NCAM2: variants seen among roughly 807,000 people sequenced by gnomAD.
The protein encoded by NCAM2 is neural cell adhesion molecule 2.
Under a neutral mutation model 98.1 loss-of-function variants are expected in NCAM2, and 30 were observed. That is an observed-to-expected ratio of 0.31 (90% confidence interval 0.23 to 0.41). The LOEUF is 0.41. NCAM2 is among the 10% of genes least tolerant of loss of function. The pLI is 1.00. For synonymous variants in NCAM2, 368 were observed against 342.4 expected (o/e 1.07, Z -0.83); for missense variants, 867 against 1,005.8 (o/e 0.86, Z 1.87).
intron 1 of NCAM2, among the ~76,000 whole-genome samples, chr21:21,146,607 G>T (rs1285812256): frequency 6.7e-6 from 1 of 149,254 alleles, no homozygotes; most frequent in Non-Finnish European, 1.5e-5. Context: ...GTGTGTGTGT[G>T]TTTTTCCTTT....
intron 1 of NCAM2, among the ~76,000 whole-genome samples, chr21:21,143,654 G>A (rs562692731): frequency 6.6e-6 from 1 of 152,032 alleles, no homozygotes; most frequent in Non-Finnish European, 1.5e-5. Flanking sequence ...TTTTATTTAA[G>A]TATTTTTTTC....
chr21:21,431,046 C>CAAA (rs34613152), intron 11 of NCAM2, among the ~76,000 whole-genome samples: 12 of 64,046 alleles, frequency 1.9e-4, no homozygotes, highest in East Asian at 4.9e-4. Context: ...AACTCCGTCT[C>CAAA]AAAAAAAAAA....
intron 11 of NCAM2, among the ~76,000 whole-genome samples, chr21:21,423,833 C>T (rs1042860942): frequency 2.0e-5 from 3 of 152,084 alleles, no homozygotes; most frequent in African/African-American, 7.2e-5. Flanking sequence ...ATGAAGCACT[C>T]ATCTGTATTT....
At chr21:21,183,090 G>A (rs762977545) in intron 1 of NCAM2, among the ~76,000 whole-genome samples, 3 of 152,152 alleles carry the variant, frequency 2.0e-5, no homozygotes, top group Non-Finnish European at 4.4e-5. Flanking sequence ...ATGGGAATAA[G>A]TAGCCGTTTT....
At position 21,541,635 on chromosome 21, in the gene NCAM2, A is replaced by G. The variant is rs1255616119; in HGVS notation, c.*3678A>G. On this transcript the variant is annotated 3_prime_UTR_variant, in exon 18 of 18. Coordinates refer to ENST00000400546, the MANE Select transcript of NCAM2 (RefSeq NM_004540.5). ...ATATATTTTTTATTTCGAATAATAAATCAACCTTTATTTTTGGCAATAAGA... is the reference window on the plus strand; with the variant it reads ...ATATATTTTTTATTTCGAATAATAAGTCAACCTTTATTTTTGGCAATAAGA... 6.7e-6 allele frequency: 1 copy of G among 150,330 alleles called. No homozygotes were observed. The highest frequency in any genetic ancestry group is 1.5e-5 in the Non-Finnish European group (1 of 67,784). 9.3% of individuals were successfully genotyped at this position (150,330 alleles called of 1,614,324 possible).
At chr21:21,202,883 A>C (rs2212880) in intron 1 of NCAM2, among the ~76,000 whole-genome samples, 1 of 151,904 alleles carries the variant, frequency 6.6e-6, no homozygotes, top group African/African-American at 2.4e-5. Context: ...AATATTATCA[A>C]TGTAGGATGG....
At chr21:21,361,597 T>C (rs898019571) in intron 8 of NCAM2, among the ~76,000 whole-genome samples, 50 of 152,110 alleles carry the variant, frequency 3.3e-4, no homozygotes, top group African/African-American at 1.1e-3. Flanking sequence ...TCCTTGGTGA[T>C]TTCATCTAGT....
intron 1 of NCAM2, among the ~76,000 whole-genome samples, chr21:21,072,812 G>T (rs756302338): frequency 4.6e-5 from 7 of 151,554 alleles, no homozygotes. Flanking sequence ...ACTTTCTCTC[G>T]TGGTAAAATA....
At chr21:21,005,951 G>C (rs1467772191) in intron 1 of NCAM2, among the ~76,000 whole-genome samples, 1 of 152,166 alleles carries the variant, frequency 6.6e-6, no homozygotes, top group Non-Finnish European at 1.5e-5. Flanking sequence ...AGAGAGCTGT[G>C]TTGAGCATTT....
chr21:21,440,468 G>C (rs1979067616), intron 12 of NCAM2, among the ~76,000 whole-genome samples: 1 of 152,074 alleles, frequency 6.6e-6, no homozygotes, highest in Admixed American at 6.6e-5. Context: ...GACTGCTTGA[G>C]CTCAGGAGTT....
Position 21,492,666 on chromosome 21 carries a change from T to A in NCAM2, c.2077+15195T>A, listed in dbSNP as rs1172795406. Among the ~76,000 whole-genome samples the A allele has an allele frequency of 2.0e-5, 3 of 151,972 alleles. No individual in the cohort carries two copies. In the East Asian group the frequency reaches 5.8e-4, roughly 29 times the overall value. On this transcript the variant is annotated intron_variant, in intron 15 of 17. Coordinates refer to ENST00000400546, the MANE Select transcript of NCAM2 (RefSeq NM_004540.5). ...TACTGTCCACTAAAAGTAAGATATT[T>A]TCATCTCAATATGCATCCTTTTTAT...
chr21:21,133,369 C>A (rs1048858470), intron 1 of NCAM2, among the ~76,000 whole-genome samples: 5 of 152,150 alleles, frequency 3.3e-5, no homozygotes, highest in Non-Finnish European at 5.9e-5. Context: ...TGTTCTGTGG[C>A]AAAGGGAATG....
intron 14 of NCAM2, among the ~76,000 whole-genome samples, chr21:21,476,557 T>C (rs1985193315): frequency 6.6e-6 from 1 of 152,038 alleles, no homozygotes; most frequent in South Asian, 2.1e-4. Context: ...TAATTTATAA[T>C]TGTATCAATT....
chr21:21,146,164 AATACTT>A (rs1449953943), intron 1 of NCAM2, among the ~76,000 whole-genome samples: 3 of 152,150 alleles, frequency 2.0e-5, no homozygotes, highest in African/African-American at 7.2e-5. Flanking sequence ...GATTATATAA[AATACTT>A]ATAATATTGG....
intron 1 of NCAM2, among the ~76,000 whole-genome samples, chr21:21,210,256 T>G (rs2147076679): frequency 6.6e-6 from 1 of 152,324 alleles, no homozygotes; most frequent in Middle Eastern, 3.4e-3. Flanking sequence ...CTTACTGAAC[T>G]TAGGCAATAG....
At chr21:21,384,687 C>T (rs1478867188) in intron 9 of NCAM2, among the ~76,000 whole-genome samples, 1 of 151,834 alleles carries the variant, frequency 6.6e-6, no homozygotes, top group Non-Finnish European at 1.5e-5. Flanking sequence ...AAGACCAAAT[C>T]ATGTAAATAA....
At chr21:21,099,001 T>C (rs2066183047) in intron 1 of NCAM2, among the ~76,000 whole-genome samples, 1 of 151,836 alleles carries the variant, frequency 6.6e-6, no homozygotes, top group Non-Finnish European at 1.5e-5. Context: ...GGAAACCAAG[T>C]CCAGGTGATA....
intron 1 of NCAM2, among the ~76,000 whole-genome samples, chr21:21,024,390 G>GA (rs2064498076): frequency 6.6e-6 from 1 of 151,588 alleles, no homozygotes; most frequent in African/African-American, 2.4e-5. Context: ...TCCTGGGGGG[G>GA]GAAAAAACAG....
At chr21:21,318,586 C>G (rs2074286355) in intron 5 of NCAM2, among the ~76,000 whole-genome samples, 1 of 151,618 alleles carries the variant, frequency 6.6e-6, no homozygotes, top group East Asian at 1.9e-4. Flanking sequence ...AAAAATAATC[C>G]AATGTTAGTA....
Sources: allele counts gnomAD v4.1 joint callset (sites outside exome capture counted in the v4.1 genomes callset), GRCh38; gene constraint gnomAD v4.1.1; transcripts MANE v1.5; gene names NCBI Gene and HGNC (gene_info 2026-07-23, HGNC 2026-07-21).